The following FGD4 variants were observed in gnomAD, a reference collection of about 807,000 sequenced individuals.
FGD4 encodes FYVE, RhoGEF and PH domain-containing protein 4.
In FGD4, 42 loss-of-function variants were observed where a neutral mutation model predicts 102.0. That is an observed-to-expected ratio of 0.41 (90% confidence interval 0.32 to 0.53). FGD4 has a LOEUF of 0.53. FGD4 is among the 20% of genes least tolerant of loss of function. The pLI, the probability that FGD4 is intolerant of heterozygous loss-of-function variation, is 0.21. For missense variants in FGD4, 902 were observed against 1,078.2 expected (o/e 0.84, Z 2.29); for synonymous variants, 380 against 375.7 (o/e 1.01, Z -0.13).
chr12:32,403,249 A>G (rs560262916), intron 1 of FGD4, among the ~76,000 whole-genome samples: 2 of 152,282 alleles, frequency 1.3e-5, no homozygotes, highest in Admixed American at 6.5e-5. Flanking sequence ...CAAAAATAAT[A>G]AAGTGTACCA....
intron 1 of FGD4, among the ~76,000 whole-genome samples, chr12:32,558,807 T>G (rs1234374780): frequency 1.3e-5 from 2 of 152,142 alleles, no homozygotes; most frequent in Non-Finnish European, 2.9e-5. Context: ...TTGAGAATAT[T>G]TGAGGTTGGC....
Position 32,544,337 on chromosome 12 carries a change from G to GGAGA in FGD4, c.167-19799_167-19796dup, listed in dbSNP as rs1200804995. ...CCCAGCTACTTGGGAGCCTGAGGCAGGAGAATCACTTGAACCTGGGAGGGA... is the reference window on the plus strand; with the variant it reads ...CCCAGCTACTTGGGAGCCTGAGGCAGGAGAGAGAATCACTTGAACCTGGGAGGGA... On this transcript the variant is annotated intron_variant, in intron 1 of 16. Coordinates refer to ENST00000534526, the MANE Select transcript of FGD4 (RefSeq NM_001370298.3). The surrounding 1 kb of genome is among the most constrained non-coding windows in gnomAD (Gnocchi z 4.1). 2.6e-5 allele frequency among the ~76,000 whole-genome samples: 4 copies of GGAGA among 152,220 alleles called. No individual in the cohort carries two copies. The highest frequency in any genetic ancestry group is 2.6e-4 in the Admixed American group (4 of 15,296).
chr12:32,451,301 A>G (rs1942767900), intron 1 of FGD4, among the ~76,000 whole-genome samples: 1 of 152,344 alleles, frequency 6.6e-6, no homozygotes, highest in Non-Finnish European at 1.5e-5. Context: ...TATGTTACAT[A>G]AATGTTATAT....
chr12:32,611,215 A>G lies in FGD4; in HGVS notation c.1681A>G (p.Ile561Val), dbSNP rs1457340184. 5 of 1,614,104 alleles carry G rather than the reference A, an allele frequency of 3.1e-6. No individual in the cohort carries two copies. Among genetic ancestry groups the G allele is most frequent in the Non-Finnish European group, 4.2e-6 (5 of 1,180,036 alleles). The change falls in exon 10 of 17, where the codon ATA becomes GTA. Residue 561 changes from isoleucine to valine, a missense_variant. Around this residue, in one of 2 missense-constraint regions of FGD4, gnomAD observed 459 missense variants for 619.0 expected, o/e 0.74. Coordinates refer to ENST00000534526, the MANE Select transcript of FGD4 (RefSeq NM_001370298.3). The stretch of plus-strand genomic sequence containing the variant: ...CATTGTAAACCCTTCAAATGAACTA[A>G]TAAAAGAAGGACAGATCCTCAAACT... ...EDIVNPSNEL[I>V]KEGQILKLAA... is the part of the protein sequence containing the mutation.
Position 32,640,647 on chromosome 12 carries a change from T to G in FGD4, c.*114T>G. 1 of 1,416,702 alleles carries G rather than the reference T, an allele frequency of 7.1e-7. No individual in the cohort carries two copies. The highest frequency in any genetic ancestry group is 9.8e-7 in the Non-Finnish European group (1 of 1,023,018). The allele number at this position is 1,416,702 out of a possible 1,614,324, so 87.8% of individuals were successfully genotyped here. The stretch of plus-strand genomic sequence containing the variant: ...ATGTTGAAAAATATAGGCCCATAAA[T>G]GCATCTTTTGAGGACTATTTTCCTA... On this transcript the variant is annotated 3_prime_UTR_variant, in exon 17 of 17. Coordinates refer to ENST00000534526, the MANE Select transcript of FGD4 (RefSeq NM_001370298.3).
intron 1 of FGD4, among the ~76,000 whole-genome samples, chr12:32,515,569 C>G (rs1565792009): frequency 6.6e-6 from 1 of 152,194 alleles, no homozygotes; most frequent in Non-Finnish European, 1.5e-5. Flanking sequence ...TAAATGAAAC[C>G]AAAATCTTAT....
At position 32,611,127 on chromosome 12, in the gene FGD4, A is replaced by G. The variant is rs751273319; in HGVS notation, c.1603-10A>G. The G allele has an allele frequency of 1.2e-6, 2 of 1,614,034 alleles. No homozygotes were observed. Among genetic ancestry groups the G allele is most frequent in the Non-Finnish European group, 1.7e-6 (2 of 1,179,982 alleles). On this transcript the variant is annotated splice_polypyrimidine_tract_variant and intron_variant, in intron 9 of 16. Coordinates refer to ENST00000534526, the MANE Select transcript of FGD4 (RefSeq NM_001370298.3). ...TGCCTGTATGTGATCTTGCTGTTTT[A>G]ATTTCCTAGGAGAACCTAAAGAAAC...
chr12:32,404,770 A>G (rs184089380), intron 1 of FGD4, among the ~76,000 whole-genome samples: 2 of 152,256 alleles, frequency 1.3e-5, no homozygotes, highest in East Asian at 3.9e-4. Flanking sequence ...GAATCATACA[A>G]TGTTCTAAAC....
rs547065515 is a variant in FGD4, at chr12:32,590,166, G to A, written c.1011+7699G>A. On this transcript the variant is annotated intron_variant, in intron 4 of 16. Coordinates refer to ENST00000534526, the MANE Select transcript of FGD4 (RefSeq NM_001370298.3). The stretch of plus-strand genomic sequence containing the variant: ...CTACTAAAAATACAAAAATTAGCTG[G>A]GTATGGTGGCAGGCGCCTATAATCC... Among the ~76,000 whole-genome samples the A allele has an allele frequency of 2.1e-3, 319 of 152,006 alleles. 3 individuals are homozygous for A. Among genetic ancestry groups the A allele is most frequent in the Non-Finnish European group, 3.7e-3 (254 of 67,982 alleles).
chr12:32,434,268 C>T (rs775219329), intron 1 of FGD4, among the ~76,000 whole-genome samples: 5 of 152,214 alleles, frequency 3.3e-5, no homozygotes, highest in African/African-American at 1.2e-4. Context: ...AAAACTTTGT[C>T]GCTGCTTATA....
At chr12:32,540,824 C>CCTTT (rs989219187) in intron 1 of FGD4, among the ~76,000 whole-genome samples, 2 of 152,164 alleles carry the variant, frequency 1.3e-5, no homozygotes, top group Admixed American at 1.3e-4. Context: ...CTCTGCCTCC[C>CCTTT]AAAGCGCTGG....
rs1318210437 is a variant in FGD4 at position 32,587,787 on chromosome 12, A to G, written c.1011+5320A>G. The stretch of plus-strand genomic sequence containing the variant: ...GTAATGGTGTGGGTTTGAGAGAAGG[A>G]AGTAGAGTTGCTAATTAGGTTAGTT... On this transcript the variant is annotated intron_variant, in intron 4 of 16. Transcript: ENST00000534526. 3.9e-5 allele frequency among the ~76,000 whole-genome samples: 6 copies of G among 152,210 alleles called. No individual in the cohort carries two copies. In the East Asian group the frequency reaches 9.6e-4, roughly 24 times the overall value.
chr12:32,593,172 G>A (rs1029729587), intron 4 of FGD4, among the ~76,000 whole-genome samples: 7 of 152,038 alleles, frequency 4.6e-5, no homozygotes, highest in Admixed American at 2.0e-4. Context: ...AATAATAATG[G>A]TATTTATTGT....
intron 1 of FGD4, among the ~76,000 whole-genome samples, chr12:32,412,824 C>G (rs1293062533): frequency 6.6e-6 from 1 of 151,726 alleles, no homozygotes; most frequent in African/African-American, 2.4e-5. Context: ...TCGTGATCTG[C>G]CTGCCTCAGC....
chr12:32,518,062 GACTT>G (rs1232938771), intron 1 of FGD4, among the ~76,000 whole-genome samples: 1 of 151,336 alleles, frequency 6.6e-6, no homozygotes, highest in East Asian at 1.9e-4. Flanking sequence ...TCAGCTTTAT[GACTT>G]ACTAAGTTTT....
chr12:32,570,751 G>A (rs1945592800), intron 2 of FGD4, among the ~76,000 whole-genome samples: 1 of 151,972 alleles, frequency 6.6e-6, no homozygotes. Context: ...TTTTTATTCT[G>A]ATTGTTATTC....
intron 1 of FGD4, among the ~76,000 whole-genome samples, chr12:32,525,028 CAGACTTCA>C (rs1398160910): frequency 1.3e-5 from 2 of 152,144 alleles, no homozygotes; most frequent in Non-Finnish European, 2.9e-5. Flanking sequence ...AAGAGCAAAA[CAGACTTCA>C]AGAATTAGGA....
Position 32,611,181 on chromosome 12 carries a change from A to G in FGD4, c.1647A>G (p.Glu549=). 6.2e-7 allele frequency: 1 copy of G among 1,614,222 alleles called. No individual in the cohort carries two copies. The highest frequency in any genetic ancestry group is 1.1e-5 in the South Asian group (1 of 91,080). ...TAGAGATTTATGAAATGTTGGGAGA[A>G]GAAGAAGACATTGTAAACCCTTCAA... The part of the protein sequence containing the change: ...KLLEIYEMLG[E]EEDIVNPSNE... The change falls in exon 10 of 17, where the codon GAA becomes GAG. Residue 549 remains glutamate (E), a synonymous_variant. Coordinates refer to ENST00000534526, the MANE Select transcript of FGD4 (RefSeq NM_001370298.3).
At chr12:32,556,123 G>A (rs1436909902) in intron 1 of FGD4, among the ~76,000 whole-genome samples, 1 of 152,130 alleles carries the variant, frequency 6.6e-6, no homozygotes, top group Non-Finnish European at 1.5e-5. Context: ...TTACAGGCAT[G>A]AGCCATCATG....
Sources: allele counts gnomAD v4.1 joint callset (sites outside exome capture counted in the v4.1 genomes callset), GRCh38; gene constraint gnomAD v4.1.1; regional missense constraint gnomAD v4.1.1; non-coding constraint Gnocchi (gnomAD v3.1); transcripts MANE v1.5; gene names NCBI Gene and HGNC (gene_info 2026-07-23, HGNC 2026-07-21).